The following SHROOM3 variants were observed in gnomAD, a reference collection of about 807,000 sequenced individuals.
The protein encoded by SHROOM3 is protein Shroom3.
In SHROOM3, 47 loss-of-function variants were observed where a neutral mutation model predicts 138.6. The ratio of observed to expected loss-of-function variants is 0.34; its 90% CI spans 0.27 to 0.43. The LOEUF is 0.43. SHROOM3 is among the 20% of genes least tolerant of loss of function. The pLI, the probability that SHROOM3 is intolerant of heterozygous loss-of-function variation, is 1.00. For synonymous variants in SHROOM3, 1,062 were observed against 1,063.3 expected (o/e 1.00, Z 0.02); for missense variants, 2,491 against 2,596.5 (o/e 0.96, Z 0.88).
chr4:76,616,856 T>C (rs1734893550), intron 2 of SHROOM3, among the ~76,000 whole-genome samples: 2 of 152,176 alleles, frequency 1.3e-5, no homozygotes, highest in South Asian at 4.1e-4. Context: ...AATTTAAAAA[T>C]ACCTAAAGAA....
intron 2 of SHROOM3, among the ~76,000 whole-genome samples, chr4:76,619,292 A>G (rs563420143): frequency 6.6e-6 from 1 of 152,320 alleles, no homozygotes; most frequent in Admixed American, 6.5e-5. Flanking sequence ...GTTTGAATGA[A>G]AAATGATTTA....
At chr4:76,657,203 C>A (rs577887001) in intron 2 of SHROOM3, among the ~76,000 whole-genome samples, 4,241 of 151,090 alleles carry the variant, frequency 0.028, 75 homozygotes, top group Middle Eastern at 0.072. Context: ...CTCTCTCTCT[C>A]TATATATATA....
intron 1 of SHROOM3, among the ~76,000 whole-genome samples, chr4:76,469,068 G>A (rs1731310963): frequency 6.6e-6 from 1 of 151,530 alleles, no homozygotes. Context: ...CGGACATGGT[G>A]GTGTACACTT....
chr4:76,668,495 C>T (rs1459649417), intron 2 of SHROOM3, among the ~76,000 whole-genome samples: 2 of 152,050 alleles, frequency 1.3e-5, no homozygotes, highest in Non-Finnish European at 2.9e-5. Context: ...ATTGCTTGAA[C>T]CAAGGAGGCA....
At position 76,501,394 on chromosome 4, in the gene SHROOM3, C is replaced by G. The variant is rs187204753; in HGVS notation, c.169-54215C>G. ...GTCCCTGATACAGAGCTCTTAAAACCCTTGTAATTTCCTAAGCAATAAGGA... is the reference window on the plus strand; with the variant it reads ...GTCCCTGATACAGAGCTCTTAAAACGCTTGTAATTTCCTAAGCAATAAGGA... On this transcript the variant is annotated intron_variant, in intron 1 of 10. Transcript: ENST00000296043. 2.1e-3 allele frequency among the ~76,000 whole-genome samples: 315 copies of G among 152,148 alleles called. 1 individual carries two copies. The highest frequency in any genetic ancestry group is 7.3e-3 in the African/African-American group (302 of 41,498).
chr4:76,665,838 A>G (rs6829067), intron 2 of SHROOM3, among the ~76,000 whole-genome samples: 104,411 of 152,036 alleles, frequency 0.69, 37,175 homozygotes, highest in East Asian at 0.94. Context: ...TCTCCTGTTT[A>G]CTGGTATATG....
intron 2 of SHROOM3, chr4:76,689,024 A>G: frequency 1.3e-6 from 1 of 784,842 alleles, no homozygotes; most frequent in Non-Finnish European, 1.5e-6. Flanking sequence ...CATTTGATCA[A>G]TTACTAACTG....
At chr4:76,770,974 A>ATCCTT in intron 10 of SHROOM3, 76 bp downstream of exon 10, 1 of 1,559,126 alleles carries the variant, frequency 6.4e-7, no homozygotes, top group African/African-American at 1.4e-5. Context: ...ATTAGACGCC[A>ATCCTT]TCCTTTCTCT....
At chr4:76,599,071 G>C (rs536738486) in intron 2 of SHROOM3, among the ~76,000 whole-genome samples, 1 of 151,302 alleles carries the variant, frequency 6.6e-6, no homozygotes, top group South Asian at 2.1e-4. Context: ...GGGTGCAGGG[G>C]TGCAAGGCGA....
intron 1 of SHROOM3, among the ~76,000 whole-genome samples, chr4:76,440,404 C>T (rs969692563): frequency 1.3e-5 from 2 of 152,182 alleles, no homozygotes; most frequent in Non-Finnish European, 1.5e-5. Context: ...TCTCCATTGC[C>T]TACTGAACAT....
At chr4:76,592,756 T>C (rs1292788121) in intron 2 of SHROOM3, among the ~76,000 whole-genome samples, 2 of 152,220 alleles carry the variant, frequency 1.3e-5, no homozygotes, top group Non-Finnish European at 2.9e-5. Flanking sequence ...TGAATTCCAC[T>C]GAATTCGCAT....
chr4:76,712,515 T>C (rs998642024), intron 3 of SHROOM3, among the ~76,000 whole-genome samples: 8 of 152,232 alleles, frequency 5.3e-5, no homozygotes, highest in African/African-American at 1.9e-4. Flanking sequence ...CTACTTACTA[T>C]CTTAAACATA....
intron 1 of SHROOM3, among the ~76,000 whole-genome samples, chr4:76,493,224 CAAAAAAAAAAAA>C (rs35837765): frequency 3.5e-5 from 2 of 56,524 alleles, no homozygotes; most frequent in South Asian, 1.3e-3. Context: ...AACTCCATCT[CAAAAAAAAAAAA>C]AAAAAAAAAA....
intron 9 of SHROOM3, among the ~76,000 whole-genome samples, chr4:76,767,039 T>C (rs1211992430): frequency 6.6e-6 from 1 of 152,154 alleles, no homozygotes. Flanking sequence ...CTGTGACAGA[T>C]TTATTTATGG....
At chr4:76,722,661 TA>T (rs200285699) in intron 3 of SHROOM3, among the ~76,000 whole-genome samples, 73 of 148,422 alleles carry the variant, frequency 4.9e-4, no homozygotes, top group East Asian at 4.7e-3. Flanking sequence ...AAATTAAAGT[TA>T]AAAAAAAAAC....
intron 1 of SHROOM3, among the ~76,000 whole-genome samples, chr4:76,455,509 GATATA>G (rs1731010119): frequency 6.6e-6 from 1 of 151,848 alleles, no homozygotes; most frequent in African/African-American, 2.4e-5. Flanking sequence ...TAATTAAAAT[GATATA>G]ATAAATAGGG....
chr4:76,774,992 G>A (rs2109796722), intron 10 of SHROOM3, among the ~76,000 whole-genome samples: 1 of 152,000 alleles, frequency 6.6e-6, no homozygotes, highest in Middle Eastern at 3.4e-3. Context: ...TTGGGGAACA[G>A]GTGGTGTTTT....
chr4:76,503,069 T>C (rs1231923881), intron 1 of SHROOM3, among the ~76,000 whole-genome samples: 3 of 152,124 alleles, frequency 2.0e-5, no homozygotes, highest in Non-Finnish European at 4.4e-5. Flanking sequence ...TCTTGATAAC[T>C]GGAAGTGGAA....
chr4:76,507,567 C>T lies in SHROOM3; in HGVS notation c.169-48042C>T, dbSNP rs371889517. ...TTTTTTTTTTTTTGAGATGGAGTCTCGCTCTGTTGCCCAGGCTCGAGTGCA... is the reference window on the plus strand; with the variant it reads ...TTTTTTTTTTTTTGAGATGGAGTCTTGCTCTGTTGCCCAGGCTCGAGTGCA... On this transcript the variant is annotated intron_variant, in intron 1 of 10. Coordinates refer to ENST00000296043, the MANE Select transcript of SHROOM3 (RefSeq NM_020859.4). Among the ~76,000 whole-genome samples the T allele has an allele frequency of 5.0e-3, 725 of 144,286 alleles. 7 individuals carry two copies. Among genetic ancestry groups the T allele is most frequent in the Non-Finnish European group, 6.4e-3 (428 of 67,026 alleles). The allele number at this position is 144,286 out of a possible 152,430, so 94.7% of individuals were successfully genotyped here. A position where few individuals can be genotyped will look rare whatever the true frequency, so the allele number is the denominator to read the frequency against.
Sources: allele counts gnomAD v4.1 joint callset (sites outside exome capture counted in the v4.1 genomes callset), GRCh38; gene constraint gnomAD v4.1.1; transcripts MANE v1.5; gene names NCBI Gene and HGNC (gene_info 2026-07-23, HGNC 2026-07-21).